DPY19L1: variants seen among roughly 807,000 people sequenced by gnomAD.
DPY19L1 encodes protein C-mannosyl-transferase DPY19L1.
DPY19L1 carries 35 observed loss-of-function variants against 96.9 expected under a neutral mutation model. That is an observed-to-expected ratio of 0.36 (90% confidence interval 0.28 to 0.48). The LOEUF (loss-of-function observed/expected upper bound fraction) is 0.48, where lower values mean the gene tolerates loss of function less well. Ranked by LOEUF, DPY19L1 falls within the 20% of genes least tolerant of loss-of-function variation. DPY19L1 has a pLI of 0.99. For synonymous variants in DPY19L1, 205 were observed against 252.6 expected (o/e 0.81, Z 1.79); for missense variants, 521 against 777.9 (o/e 0.67, Z 3.93).
chr7:34,989,808 T>C (rs1785128836), intron 7 of DPY19L1, 76 bp downstream of exon 7: 2 of 1,193,176 alleles, frequency 1.7e-6, no homozygotes, highest in South Asian at 3.0e-5. Context: ...ATTTAAAGAA[T>C]GCCATTATAG....
chr7:34,982,501 G>A lies in DPY19L1; in HGVS notation c.822+7383C>T, dbSNP rs73691604. 6.5e-3 allele frequency among the ~76,000 whole-genome samples: 986 copies of A among 152,208 alleles called. 12 individuals carry two copies. Among genetic ancestry groups the A allele is most frequent in the African/African-American group, 0.023 (935 of 41,526 alleles). On this transcript the variant is annotated intron_variant, in intron 7 of 21. Coordinates refer to ENST00000638088, the MANE Select transcript of DPY19L1 (RefSeq NM_001366673.1). ...TTCAATTTGTTCAAAATAAAAAGCC[G>A]GAGAAAAAACAGTAAAGAAAAATGC...
chr7:34,972,466 G>A (rs1784743847), intron 8 of DPY19L1, among the ~76,000 whole-genome samples: 1 of 152,148 alleles, frequency 6.6e-6, no homozygotes, highest in South Asian at 2.1e-4. Context: ...ATTTAAGACA[G>A]GAGCAGAGGT....
intron 21 of DPY19L1, among the ~76,000 whole-genome samples, chr7:34,932,544 CAGT>C (rs1783775880): frequency 6.6e-6 from 1 of 152,062 alleles, no homozygotes; most frequent in Admixed American, 6.6e-5. Context: ...GTAAAAAAAT[CAGT>C]AGGTCAAAAC....
intron 6 of DPY19L1, among the ~76,000 whole-genome samples, chr7:35,006,008 C>T (rs771197245): frequency 6.6e-6 from 1 of 152,104 alleles, no homozygotes; most frequent in Non-Finnish European, 1.5e-5. Flanking sequence ...TTCGATGATT[C>T]TCTGATTCCA....
intron 1 of DPY19L1, among the ~76,000 whole-genome samples, chr7:35,029,485 C>G (rs1436843187): frequency 6.6e-6 from 1 of 152,140 alleles, no homozygotes; most frequent in Non-Finnish European, 1.5e-5. Context: ...TTAACAAGTT[C>G]ATTAACTGAT....
intron 7 of DPY19L1, among the ~76,000 whole-genome samples, chr7:34,978,998 T>A (rs1336176100): frequency 1.3e-5 from 2 of 152,128 alleles, no homozygotes; most frequent in African/African-American, 2.4e-5. Flanking sequence ...CAGGATTTAA[T>A]GTGTCAGTGA....
Position 34,969,592 on chromosome 7 carries a change from A to C in DPY19L1, c.915-60T>G. On this transcript the variant is annotated intron_variant, in intron 8 of 21. Coordinates refer to ENST00000638088, the MANE Select transcript of DPY19L1 (RefSeq NM_001366673.1). ...ACACGAAATAGTCTAGCATGGCTCC[A>C]AACTGCTGCAAATTAGAATCTCGAA... 3 of 755,550 alleles carry C rather than the reference A, an allele frequency of 4.0e-6. No individual in the cohort carries two copies. In the South Asian group the frequency reaches 9.6e-5, roughly 24 times the overall value. The allele number at this position is 755,550 out of a possible 1,614,324, so 46.8% of individuals were successfully genotyped here.
chr7:34,961,786 T>C lies in DPY19L1; in HGVS notation c.1093-3716A>G, dbSNP rs1208981148. The stretch of plus-strand genomic sequence containing the variant: ...TTCTTAAAACTCGACAATAAGGAAA[T>C]GAACAACCCAAGGAAAAATAAGCAA... On this transcript the variant is annotated intron_variant, in intron 10 of 21. Transcript: ENST00000638088. Among the ~76,000 whole-genome samples, 6 of 151,890 alleles carry C rather than the reference T, an allele frequency of 4.0e-5. No homozygotes were observed. The South Asian group carries it at 1.2e-3, about 32-fold the overall frequency.
chr7:35,027,750 A>C (rs890353436), intron 1 of DPY19L1, among the ~76,000 whole-genome samples: 1 of 151,210 alleles, frequency 6.6e-6, no homozygotes, highest in Non-Finnish European at 1.5e-5. Context: ...AGGCAGGAGA[A>C]TCGCTTGAAC....
At chr7:34,952,435 G>T (rs1282470160) in intron 13 of DPY19L1, among the ~76,000 whole-genome samples, 1 of 152,094 alleles carries the variant, frequency 6.6e-6, no homozygotes, top group East Asian at 1.9e-4. Flanking sequence ...GGCCATGAGG[G>T]CTTCACTGTT....
intron 1 of DPY19L1, among the ~76,000 whole-genome samples, chr7:35,029,183 G>C (rs752323030): frequency 6.6e-6 from 1 of 152,110 alleles, no homozygotes; most frequent in Non-Finnish European, 1.5e-5. Flanking sequence ...GCTCTGATTC[G>C]AATGACTTTG....
intron 7 of DPY19L1, among the ~76,000 whole-genome samples, chr7:34,977,164 C>T (rs1193771826): frequency 6.6e-6 from 1 of 152,114 alleles, no homozygotes; most frequent in Non-Finnish European, 1.5e-5. Flanking sequence ...CTTTTATATG[C>T]ACTGGAAAAC....
chr7:34,932,826 T>C (rs1397984912), intron 21 of DPY19L1, among the ~76,000 whole-genome samples: 1 of 152,182 alleles, frequency 6.6e-6, no homozygotes, highest in African/African-American at 2.4e-5. Flanking sequence ...TTATAGAGAA[T>C]TGACAACTGC....
chr7:35,027,175 G>T (rs1183024219), intron 1 of DPY19L1, among the ~76,000 whole-genome samples: 1 of 151,818 alleles, frequency 6.6e-6, no homozygotes, highest in Admixed American at 6.6e-5. Context: ...TTGCACTCCA[G>T]CCTGGGCAAC....
chr7:35,013,463 A>C, intron 4 of DPY19L1, 105 bp downstream of exon 4: 1 of 851,648 alleles, frequency 1.2e-6, no homozygotes, highest in Non-Finnish European at 1.8e-6. Flanking sequence ...TTAAAAAATT[A>C]AATACAATTT....
intron 15 of DPY19L1, among the ~76,000 whole-genome samples, chr7:34,947,266 G>A (rs971260731): frequency 1.3e-5 from 2 of 152,076 alleles, no homozygotes; most frequent in Admixed American, 1.3e-4. Context: ...ATTGCACACT[G>A]CACAAATCAC....
At chr7:34,943,957 G>T (rs964397290) in intron 16 of DPY19L1, among the ~76,000 whole-genome samples, 69 of 152,190 alleles carry the variant, frequency 4.5e-4, no homozygotes, top group African/African-American at 1.6e-3. Context: ...ACAGTAAATT[G>T]TTTCTAAATG....
Position 34,929,195 on chromosome 7 carries a change from T to C in DPY19L1, c.*2378A>G, listed in dbSNP as rs1783698096. The C allele has an allele frequency of 6.6e-6, 1 of 152,252 alleles. No homozygotes were observed. The highest frequency in any genetic ancestry group is 2.4e-5 in the African/African-American group (1 of 41,468). The allele number at this position is 152,252 out of a possible 1,614,324, so 9.4% of individuals were successfully genotyped here. A position where few individuals can be genotyped will look rare whatever the true frequency, so the allele number is the denominator to read the frequency against. On this transcript the variant is annotated 3_prime_UTR_variant, in exon 22 of 22. Transcript: ENST00000638088. Reference sequence around the variant, plus strand: ...AAAATATTTGTAAATGCTAACAATATGCAAAACACTGAGCTTTAATACTGT... The same window carrying C: ...AAAATATTTGTAAATGCTAACAATACGCAAAACACTGAGCTTTAATACTGT...
At chr7:35,014,425 G>C (rs1440921428) in intron 3 of DPY19L1, among the ~76,000 whole-genome samples, 1 of 151,762 alleles carries the variant, frequency 6.6e-6, no homozygotes. Flanking sequence ...AATACTAGAA[G>C]CCTAACGGAG....
Sources: allele counts gnomAD v4.1 joint callset (sites outside exome capture counted in the v4.1 genomes callset), GRCh38; gene constraint gnomAD v4.1.1; transcripts MANE v1.5; gene names NCBI Gene and HGNC (gene_info 2026-07-23, HGNC 2026-07-21).